The following DENND2C variants were observed in gnomAD, a reference collection of about 807,000 sequenced individuals.
DENND2C encodes the protein DENN domain containing 2C, also known as DENN domain-containing protein 2C.
In DENND2C, 72 loss-of-function variants were observed where a neutral mutation model predicts 112.4. The ratio of observed to expected loss-of-function variants is 0.64; its 90% CI spans 0.53 to 0.78. DENND2C has a LOEUF of 0.78. Ranked by LOEUF, DENND2C falls within the 30% of genes least tolerant of loss-of-function variation. The probability of loss-of-function intolerance (pLI) is 0.00; values close to 1 mark genes in which losing one functional copy is unlikely to be tolerated. For missense variants in DENND2C, 992 were observed against 1,113.8 expected, an observed-to-expected ratio of 0.89 and a Z score of 1.56; for synonymous variants, 329 against 381.6, an observed-to-expected ratio of 0.86 and a Z score of 1.61.
chr1:114,651,843 A>G (rs964506147), intron 2 of DENND2C, among the ~76,000 whole-genome samples: 5 of 152,222 alleles, frequency 3.3e-5, no homozygotes, highest in African/African-American at 1.2e-4. Flanking sequence ...GCCTCATGCT[A>G]AGGAGCAAGG....
chr1:114,645,717 T>C (rs904567008), intron 2 of DENND2C, among the ~76,000 whole-genome samples, 158 bp from the exon 3 acceptor site: 15 of 152,286 alleles, frequency 9.8e-5, no homozygotes, highest in Admixed American at 2.0e-4. Flanking sequence ...GACTAGTAAA[T>C]TTTCATCTTC....
chr1:114,638,431 T>G (rs1656714260), intron 3 of DENND2C, among the ~76,000 whole-genome samples: 1 of 152,032 alleles, frequency 6.6e-6, no homozygotes, highest in Non-Finnish European at 1.5e-5. Flanking sequence ...TTCATCAAAA[T>G]TAAAACCTTC....
At chr1:114,603,172 A>C (rs1301421003) in intron 11 of DENND2C, among the ~76,000 whole-genome samples, 3 of 150,344 alleles carry the variant, frequency 2.0e-5, no homozygotes, top group Non-Finnish European at 4.4e-5. Context: ...ACGGAGTCTC[A>C]CTCTGTCGCC....
intron 11 of DENND2C, among the ~76,000 whole-genome samples, 173 bp from the exon 12 acceptor site, chr1:114,602,367 A>G (rs540899002): frequency 3.0e-4 from 46 of 152,344 alleles, no homozygotes; most frequent in Middle Eastern, 3.4e-3. Flanking sequence ...ACTAGAGTCC[A>G]GGTTTTCAAG....
chr1:114,654,283 T>C (rs1657246653), intron 2 of DENND2C, among the ~76,000 whole-genome samples: 1 of 151,980 alleles, frequency 6.6e-6, no homozygotes. Context: ...ATACAAATAA[T>C]TAGCCGGGCG....
intron 3 of DENND2C, among the ~76,000 whole-genome samples, chr1:114,626,762 T>C (rs1005775126): frequency 6.6e-6 from 1 of 152,046 alleles, no homozygotes; most frequent in African/African-American, 2.4e-5. Flanking sequence ...ATCCACCCCC[T>C]TGGCCTCCAA....
intron 2 of DENND2C, among the ~76,000 whole-genome samples, chr1:114,647,425 G>T (rs1657025297): frequency 6.6e-6 from 1 of 150,926 alleles, no homozygotes; most frequent in Non-Finnish European, 1.5e-5. Context: ...TCGACTCCCT[G>T]CAACCTCTGC....
At chr1:114,618,618 T>C in intron 7 of DENND2C, 136 bp from the exon 8 acceptor site, 1 of 475,176 alleles carries the variant, frequency 2.1e-6, no homozygotes, top group South Asian at 3.7e-5. Flanking sequence ...TTTTTGAATT[T>C]TGGATTTAAA....
At chr1:114,667,499 GC>G (rs1657677947) in intron 1 of DENND2C, among the ~76,000 whole-genome samples, 1 of 152,082 alleles carries the variant, frequency 6.6e-6, no homozygotes, top group South Asian at 2.1e-4. Context: ...TTAAGATAAT[GC>G]CATAACTGTT....
At chr1:114,610,699 CAAA>C (rs528172027) in intron 9 of DENND2C, among the ~76,000 whole-genome samples, 1 of 83,388 alleles carries the variant, frequency 1.2e-5, no homozygotes, top group Admixed American at 1.4e-4. Context: ...GACTCCGTCT[CAAA>C]AAAAAAAAAA....
chr1:114,651,049 C>T (rs1657145789), intron 2 of DENND2C, among the ~76,000 whole-genome samples: 1 of 151,894 alleles, frequency 6.6e-6, no homozygotes, highest in Admixed American at 6.6e-5. Flanking sequence ...GTGGAGGTTG[C>T]AGTGAGCCGA....
chr1:114,648,852 G>A (rs1385389612), intron 2 of DENND2C, among the ~76,000 whole-genome samples: 3 of 152,076 alleles, frequency 2.0e-5, no homozygotes, highest in Admixed American at 6.5e-5. Flanking sequence ...AAAATGGCAC[G>A]TAAAACTAAC....
chr1:114,628,765 TA>T (rs1229161745), intron 3 of DENND2C, among the ~76,000 whole-genome samples: 3 of 152,266 alleles, frequency 2.0e-5, no homozygotes, highest in African/African-American at 7.2e-5. Context: ...CCCTTTAACC[TA>T]ATTATATTCT....
intron 6 of DENND2C, among the ~76,000 whole-genome samples, chr1:114,622,333 C>G (rs1656189715): frequency 6.6e-6 from 1 of 151,956 alleles, no homozygotes; most frequent in East Asian, 1.9e-4. Flanking sequence ...CCAGGCTAGT[C>G]TCAAACTCCT....
At chr1:114,636,007 AAAAT>A (rs966763852) in intron 3 of DENND2C, among the ~76,000 whole-genome samples, 15 of 151,328 alleles carry the variant, frequency 9.9e-5, no homozygotes, top group South Asian at 6.2e-4. Flanking sequence ...CTCCATCTCA[AAAAT>A]AAATAAATAA....
At chr1:114,650,958 C>T (rs75494055) in intron 2 of DENND2C, among the ~76,000 whole-genome samples, 6,117 of 151,548 alleles carry the variant, frequency 0.04, 166 homozygotes, top group Non-Finnish European at 0.061. Flanking sequence ...ACAGTAAGGG[C>T]ATTAGCTGGG....
chr1:114,641,109 G>A (rs1014053884), intron 3 of DENND2C, among the ~76,000 whole-genome samples: 4 of 151,830 alleles, frequency 2.6e-5, no homozygotes, highest in African/African-American at 9.7e-5. Context: ...TTCTCTGAAG[G>A]TAGGAAAGCC....
intron 9 of DENND2C, among the ~76,000 whole-genome samples, chr1:114,609,942 T>G (rs543278158): frequency 6.6e-6 from 1 of 152,264 alleles, no homozygotes; most frequent in African/African-American, 2.4e-5. Context: ...CAGCCCTAAA[T>G]TAGTCATCTT....
intron 3 of DENND2C, among the ~76,000 whole-genome samples, chr1:114,628,665 C>T (rs78684332): frequency 0.026 from 3,895 of 152,286 alleles, 178 homozygotes; most frequent in African/African-American, 0.088. Context: ...ATGTGGCTTG[C>T]GTGTTCTCAC....
Sources: allele counts gnomAD v4.1 joint callset (sites outside exome capture counted in the v4.1 genomes callset), GRCh38; gene constraint gnomAD v4.1.1; transcripts MANE v1.5; gene names NCBI Gene and HGNC (gene_info 2026-07-23, HGNC 2026-07-21).